PLOD2: variants seen among roughly 807,000 people sequenced by gnomAD.
The protein encoded by PLOD2 is lysine hydroxylase 2.
A neutral mutation model predicts 101.0 loss-of-function variants in PLOD2; 65 were observed. The observed-to-expected ratio is 0.64, with a 90% CI of 0.53 to 0.79. PLOD2 has a LOEUF of 0.79. Ranked by LOEUF, PLOD2 falls within the 30% of genes least tolerant of loss-of-function variation. The pLI is 0.00. For synonymous variants in PLOD2, 314 were observed against 302.9 expected, an observed-to-expected ratio of 1.04 and a Z score of -0.38; for missense variants, 909 against 914.6, an observed-to-expected ratio of 0.99 and a Z score of 0.08.
intron 7 of PLOD2, among the ~76,000 whole-genome samples, chr3:146,095,725 C>T (rs1461945033): frequency 6.6e-6 from 1 of 152,110 alleles, no homozygotes; most frequent in African/African-American, 2.4e-5. Context: ...CCAAAGGATT[C>T]TAAGTCATTC....
intron 1 of PLOD2, among the ~76,000 whole-genome samples, chr3:146,135,528 T>C (rs761079735): frequency 1.1e-4 from 16 of 152,124 alleles, no homozygotes; most frequent in African/African-American, 1.4e-4. Context: ...CCGTGCCAAG[T>C]TGGAGATCTA....
intron 10 of PLOD2, 149 bp downstream of exon 10, chr3:146,086,636 CAT>C: frequency 4.0e-6 from 2 of 501,562 alleles, no homozygotes; most frequent in Non-Finnish European, 7.0e-6. Flanking sequence ...TACGTACAAA[CAT>C]AGACACAGTC....
At chr3:146,158,045 T>C (rs532302840) in intron 1 of PLOD2, among the ~76,000 whole-genome samples, 1 of 152,358 alleles carries the variant, frequency 6.6e-6, no homozygotes, top group East Asian at 1.9e-4. Context: ...ACTTGGTTTC[T>C]GCCCAGTTTG....
chr3:146,109,042 G>A (rs1937582697), intron 4 of PLOD2, among the ~76,000 whole-genome samples: 1 of 152,162 alleles, frequency 6.6e-6, no homozygotes. Context: ...AGAAGTGATG[G>A]TGGGTAGCCA....
intron 11 of PLOD2, among the ~76,000 whole-genome samples, chr3:146,083,305 G>A (rs530422988): frequency 4.6e-5 from 7 of 152,204 alleles, no homozygotes; most frequent in South Asian, 2.1e-4. Flanking sequence ...AGGGAGAGAA[G>A]AGGAAAAAAG....
intron 1 of PLOD2, among the ~76,000 whole-genome samples, chr3:146,155,726 A>G (rs112091793): frequency 0.018 from 2,762 of 151,656 alleles, 85 homozygotes; most frequent in African/African-American, 0.063. Flanking sequence ...AAAAAAAAAA[A>G]AAAAAAGAAA....
At position 146,121,199 on chromosome 3, in the gene PLOD2, A is replaced by G; in HGVS notation, c.251T>C (p.Ile84Thr). The G allele has an allele frequency of 1.9e-6, 3 of 1,608,782 alleles. No homozygotes were observed. The highest frequency in any genetic ancestry group is 1.7e-4 in the Middle Eastern group (1 of 6,048). ...EWRGGDGINSIGGGQKVRLMK... is the reference protein window; with the variant it reads ...EWRGGDGINSTGGGQKVRLMK... ...TAATCTCACTTTCTGGCCCCCTCCA[A>G]TACTATTAATTCCATCACCACCTCT... Residue 84 changes from isoleucine to threonine, a missense_variant, in exon 3 of 20, where the codon ATT (isoleucine) becomes ACT (threonine). Coordinates refer to ENST00000282903, the MANE Select transcript of PLOD2 (RefSeq NM_182943.3).
intron 1 of PLOD2, among the ~76,000 whole-genome samples, chr3:146,137,132 A>G (rs1199279829): frequency 1.3e-5 from 2 of 152,160 alleles, no homozygotes; most frequent in Non-Finnish European, 2.9e-5. Flanking sequence ...ATGACCTGCG[A>G]TTTTTTAAAA....
chr3:146,087,317 T>C (rs2108021400), intron 9 of PLOD2, among the ~76,000 whole-genome samples: 1 of 152,050 alleles, frequency 6.6e-6, no homozygotes, highest in Admixed American at 6.6e-5. Flanking sequence ...AAAAAATGTC[T>C]ACTAAGCATA....
intron 16 of PLOD2, 41 bp downstream of exon 16, chr3:146,073,246 A>C (rs1240036893): frequency 1.3e-6 from 1 of 794,954 alleles, no homozygotes; most frequent in East Asian, 2.7e-5. Flanking sequence ...TCTGGAAAAT[A>C]ACAGCAAAAT....
At chr3:146,140,565 T>C (rs1159708502) in intron 1 of PLOD2, among the ~76,000 whole-genome samples, 1 of 152,092 alleles carries the variant, frequency 6.6e-6, no homozygotes, top group African/African-American at 2.4e-5. Context: ...AATTAAACTA[T>C]ACTATGTGTG....
chr3:146,077,083 C>G (rs1936373058), intron 14 of PLOD2, 188 bp from the exon 15 acceptor site: 1 of 1,274,252 alleles, frequency 7.8e-7, no homozygotes, highest in Non-Finnish European at 9.9e-7. Flanking sequence ...TGAATTCAGA[C>G]ACCACACAAA....
chr3:146,140,003 A>T (rs897972612), intron 1 of PLOD2, among the ~76,000 whole-genome samples: 3 of 152,108 alleles, frequency 2.0e-5, no homozygotes, highest in Non-Finnish European at 2.9e-5. Flanking sequence ...ACAAAAACAT[A>T]GCAAGGCATT....
chr3:146,150,585 G>C (rs1308675984), intron 1 of PLOD2, among the ~76,000 whole-genome samples: 1 of 152,242 alleles, frequency 6.6e-6, no homozygotes. Flanking sequence ...AAGGGTGACA[G>C]TGAGAGGAGA....
At chr3:146,144,149 C>A (rs1386780644) in intron 1 of PLOD2, among the ~76,000 whole-genome samples, 1 of 152,110 alleles carries the variant, frequency 6.6e-6, no homozygotes, top group Admixed American at 6.6e-5. Context: ...TCACTCTAAT[C>A]TCATTTTATT....
chr3:146,084,617 T>C (rs191450818), intron 11 of PLOD2, among the ~76,000 whole-genome samples: 38 of 152,050 alleles, frequency 2.5e-4, no homozygotes, highest in Non-Finnish European at 5.1e-4. Context: ...AGCAGTAGTA[T>C]TGACAAACAA....
chr3:146,158,692 G>A, intron 1 of PLOD2, among the ~76,000 whole-genome samples: 1 of 148,478 alleles, frequency 6.7e-6, no homozygotes, highest in African/African-American at 2.5e-5. Context: ...GCTCAGATTA[G>A]AAAGGTTATA....
At chr3:146,129,316 C>A (rs911422082) in intron 1 of PLOD2, among the ~76,000 whole-genome samples, 3 of 152,002 alleles carry the variant, frequency 2.0e-5, no homozygotes, top group African/African-American at 7.2e-5. Flanking sequence ...TTTTTACAAC[C>A]TTTTAAAAAT....
In PLOD2 at chr3:146,072,557, T is replaced by C; in HGVS notation, c.1848+4A>G. On this transcript the variant is annotated splice_donor_region_variant and intron_variant, in intron 17 of 19. Transcript: ENST00000282903. ...TTAGTTCTTAGTGTGAAATTACAAC[T>C]TACATGATGTTTTCCCCCAGACCAT... The C allele has an allele frequency of 6.4e-7, 1 of 1,567,564 alleles. No homozygotes were observed. The highest frequency in any genetic ancestry group is 8.8e-7 in the Non-Finnish European group (1 of 1,138,400).
Sources: gnomAD v4.1 joint callset for allele counts (sites outside exome capture counted in the v4.1 genomes callset) on GRCh38, gnomAD v4.1.1 for gene constraint, MANE v1.5 for transcripts, NCBI Gene and HGNC (gene_info 2026-07-23, HGNC 2026-07-21) for gene names.